The following CNTN4 variants were observed in gnomAD, a reference collection of about 807,000 sequenced individuals.
The protein encoded by CNTN4 is contactin-4.
A neutral mutation model predicts 122.5 loss-of-function variants in CNTN4; 77 were observed. That is an observed-to-expected ratio of 0.63 (90% CI 0.52 to 0.76). The LOEUF is 0.76. Ranked by LOEUF, CNTN4 falls within the 30% of genes least tolerant of loss-of-function variation. The pLI is 0.00. For synonymous variants in CNTN4, 512 were observed against 447.0 expected (o/e 1.15, Z -1.83); for missense variants, 1,256 against 1,259.1 (o/e 1.00, Z 0.04).
intron 14 of CNTN4, among the ~76,000 whole-genome samples, chr3:2,996,677 TACC>T (rs1695566868): frequency 6.6e-6 from 1 of 152,172 alleles, no homozygotes; most frequent in South Asian, 2.1e-4. Context: ...TTGAACTTAT[TACC>T]ACAAGAAGAT....
chr3:2,537,792 AT>A (rs1234557152), intron 3 of CNTN4, among the ~76,000 whole-genome samples: 2 of 152,058 alleles, frequency 1.3e-5, no homozygotes, highest in Non-Finnish European at 2.9e-5. Flanking sequence ...CATCATAAAC[AT>A]TTACTTCAGT....
rs777931140 is a variant in CNTN4, at chr3:2,866,972, T to C, written c.652+23T>C. The C allele has an allele frequency of 3.7e-6, 6 of 1,602,608 alleles. No homozygotes were observed. The Admixed American group carries it at 1.0e-4, about 27-fold the overall frequency. On this transcript the variant is annotated intron_variant, in intron 8 of 24. Coordinates refer to ENST00000418658, the MANE Select transcript of CNTN4 (RefSeq NM_175607.3). The stretch of plus-strand genomic sequence containing the variant: ...ATGGTGAGTTTTCAAGTAATTTTGT[T>C]AATTTTGTTTCTGCAATCACAGGAT...
intron 2 of CNTN4, among the ~76,000 whole-genome samples, chr3:2,205,989 C>G (rs376056814): frequency 6.6e-6 from 1 of 152,088 alleles, no homozygotes; most frequent in Non-Finnish European, 1.5e-5. Context: ...GTGGCAAATA[C>G]TCGGAAGGGT....
chr3:2,565,625 C>G (rs1455675543), intron 3 of CNTN4, among the ~76,000 whole-genome samples: 1 of 152,042 alleles, frequency 6.6e-6, no homozygotes, highest in Non-Finnish European at 1.5e-5. Flanking sequence ...AGACCTTGAC[C>G]CAAAACTCTT....
chr3:2,244,831 G>T (rs1189169032), intron 2 of CNTN4, among the ~76,000 whole-genome samples: 1 of 152,024 alleles, frequency 6.6e-6, no homozygotes, highest in Non-Finnish European at 1.5e-5. Flanking sequence ...GATTGCTCAA[G>T]GGCTTGTGCT....
intron 6 of CNTN4, among the ~76,000 whole-genome samples, chr3:2,811,184 C>T (rs932630184): frequency 9.9e-5 from 15 of 151,722 alleles, no homozygotes; most frequent in South Asian, 2.1e-4. Flanking sequence ...CCGAGGCAGG[C>T]GTATCACTTG....
intron 7 of CNTN4, among the ~76,000 whole-genome samples, chr3:2,862,688 G>A (rs1239827396): frequency 6.6e-6 from 1 of 152,184 alleles, no homozygotes; most frequent in Non-Finnish European, 1.5e-5. Context: ...TATAAATATT[G>A]CATGAAAGTC....
At chr3:2,895,988 G>A (rs988760608) in intron 10 of CNTN4, among the ~76,000 whole-genome samples, 1 of 152,090 alleles carries the variant, frequency 6.6e-6, no homozygotes, top group Non-Finnish European at 1.5e-5. Flanking sequence ...AGCCAAGATG[G>A]CGCCACCGCA....
At chr3:2,763,876 T>C (rs2090714472) in intron 6 of CNTN4, among the ~76,000 whole-genome samples, 1 of 152,194 alleles carries the variant, frequency 6.6e-6, no homozygotes, top group Non-Finnish European at 1.5e-5. Flanking sequence ...GCTGTTTTGG[T>C]TACTGTGTCC....
At chr3:2,225,155 A>ACC (rs1553604628) in intron 2 of CNTN4, among the ~76,000 whole-genome samples, 26 of 148,474 alleles carry the variant, frequency 1.8e-4, no homozygotes, top group Non-Finnish European at 3.6e-4. Context: ...TGTACCCACC[A>ACC]CCCCCAAAAA....
intron 4 of CNTN4, among the ~76,000 whole-genome samples, chr3:2,715,447 T>G (rs939026697): frequency 3.9e-5 from 6 of 152,234 alleles, no homozygotes; most frequent in African/African-American, 1.4e-4. Flanking sequence ...TACCTGTTAC[T>G]TTAGCAAATC....
chr3:2,533,847 T>A (rs2077694043), intron 3 of CNTN4, among the ~76,000 whole-genome samples: 1 of 152,224 alleles, frequency 6.6e-6, no homozygotes, highest in Admixed American at 6.5e-5. Context: ...GATTTGCATT[T>A]CTTTGATGAC....
At chr3:2,714,059 C>T (rs1169169491) in intron 4 of CNTN4, among the ~76,000 whole-genome samples, 3 of 152,100 alleles carry the variant, frequency 2.0e-5, no homozygotes, top group Admixed American at 2.0e-4. Context: ...TTCTACAGAA[C>T]TAGTAATAAT....
intron 3 of CNTN4, among the ~76,000 whole-genome samples, chr3:2,418,025 G>A (rs540418583): frequency 5.6e-4 from 86 of 152,252 alleles, no homozygotes; most frequent in African/African-American, 1.8e-3. Context: ...TTTTACGGCA[G>A]TGAAACTAAT....
intron 3 of CNTN4, among the ~76,000 whole-genome samples, chr3:2,517,407 T>G (rs1343590399): frequency 1.3e-5 from 2 of 152,114 alleles, no homozygotes; most frequent in East Asian, 3.9e-4. Context: ...GATCCCCCAC[T>G]CCTCCCTCCA....
intron 6 of CNTN4, among the ~76,000 whole-genome samples, chr3:2,806,348 G>C (rs2092468121): frequency 1.3e-5 from 2 of 152,152 alleles, no homozygotes; most frequent in African/African-American, 4.8e-5. Context: ...GGACCATGTT[G>C]GATTCATCTT....
chr3:2,107,380 C>T (rs979261337), intron 2 of CNTN4, among the ~76,000 whole-genome samples: 3 of 152,108 alleles, frequency 2.0e-5, no homozygotes, highest in African/African-American at 7.2e-5. Context: ...AACTTAAAAT[C>T]ATGGTGGAAG....
intron 2 of CNTN4, among the ~76,000 whole-genome samples, chr3:2,226,373 T>C (rs1161604492): frequency 6.6e-6 from 1 of 152,074 alleles, no homozygotes; most frequent in Non-Finnish European, 1.5e-5. Flanking sequence ...TTGGAAACAA[T>C]AGTTTAAGGG....
At chr3:2,967,575 A>G (rs1323863129) in intron 13 of CNTN4, among the ~76,000 whole-genome samples, 2 of 152,156 alleles carry the variant, frequency 1.3e-5, no homozygotes, top group Admixed American at 6.5e-5. Context: ...TTCCATCCCA[A>G]TGCCCAGGAG....
Sources: gnomAD v4.1 joint callset for allele counts (sites outside exome capture counted in the v4.1 genomes callset) on GRCh38, gnomAD v4.1.1 for gene constraint, MANE v1.5 for transcripts, NCBI Gene and HGNC (gene_info 2026-07-23, HGNC 2026-07-21) for gene names.